C12orf43: variants seen among roughly 807,000 people sequenced by gnomAD.
C12orf43 encodes the protein protein CUSTOS.
Under a neutral mutation model 20.6 loss-of-function variants are expected in C12orf43, and 15 were observed. The ratio of observed to expected loss-of-function variants is 0.73; its 90% CI spans 0.49 to 1.12. The LOEUF (loss-of-function observed/expected upper bound fraction) is 1.12, where lower values mean the gene tolerates loss of function less well. Among genes scored for constraint, C12orf43 ranks in the 50% most tolerant of loss-of-function variants. The pLI is 0.00. For synonymous variants in C12orf43, 144 were observed against 130.8 expected, an observed-to-expected ratio of 1.10 and a Z score of -0.69; for missense variants, 334 against 344.4, an observed-to-expected ratio of 0.97 and a Z score of 0.24.
chr12:121,006,482 A>G, intron 3 of C12orf43, 88 bp from the exon 4 acceptor site: 1 of 1,293,030 alleles, frequency 7.7e-7, no homozygotes, highest in Non-Finnish European at 1.1e-6. Flanking sequence ...GGGATGGGGT[A>G]TGTGATTGTA....
Position 121,002,461 on chromosome 12 carries a change from A to T in C12orf43, c.*1692T>A, listed in dbSNP as rs1168564114. 1.9e-6 allele frequency: 1 copy of T among 526,830 alleles called. No homozygotes were observed. Among genetic ancestry groups the T allele is most frequent in the Non-Finnish European group, 3.7e-6 (1 of 270,700 alleles). 32.6% of individuals were successfully genotyped at this position (526,830 alleles called of 1,614,324 possible). A position where few individuals can be genotyped will look rare whatever the true frequency, so the allele number is the denominator to read the frequency against. On this transcript the variant is annotated 3_prime_UTR_variant, in exon 6 of 6. Transcript: ENST00000288757. The stretch of plus-strand genomic sequence containing the variant: ...CTGCAGCTTGTAGCCAGCCGGGGCG[A>T]GTGGCACGTTTATTTAACTTTTAGT...
chr12:121,012,287 G>A, intron 1 of C12orf43: 1 of 670,494 alleles, frequency 1.5e-6, no homozygotes, highest in Non-Finnish European at 2.7e-6. Flanking sequence ...TGTGACCAGA[G>A]CCTGCCCAGT....
rs553147020 is a variant in C12orf43 at position 121,005,717 on chromosome 12, G to A, written c.361+604C>T. On this transcript the variant is annotated intron_variant, in intron 4 of 5. Transcript: ENST00000288757. This position sits in a 1 kb window ranked among gnomAD's most constrained non-coding sequence, Gnocchi z 5.6. ...GAGGCCGCCTCAGGCAAATGACTTC[G>A]TTTCTCAGGGCCTCAGTCTCCTTGT... Among the ~76,000 whole-genome samples, 2 of 152,324 alleles carry A rather than the reference G, an allele frequency of 1.3e-5. No homozygotes were observed. The highest frequency in any genetic ancestry group is 1.9e-4 in the East Asian group (1 of 5,186).
chr12:121,014,264 G>A (rs1234745760), intron 1 of C12orf43, among the ~76,000 whole-genome samples: 1 of 150,978 alleles, frequency 6.6e-6, no homozygotes, highest in Non-Finnish European at 1.5e-5. Context: ...CTTGGGAGGC[G>A]GAGGTTGCAG....
chr12:121,004,407 T>C lies in C12orf43; in HGVS notation c.535A>G (p.Ser179Gly). 1 of 1,614,084 alleles carries C rather than the reference T, an allele frequency of 6.2e-7. No homozygotes were observed. The highest frequency in any genetic ancestry group is 8.5e-7 in the Non-Finnish European group (1 of 1,180,030). The change falls in exon 6 of 6, where the codon AGC becomes GGC. Residue 179 changes from serine (S) to glycine (G), a missense_variant. Physicochemically the swap from Ser to Gly is moderately conservative, Grantham distance 56. Transcript: ENST00000288757. The surrounding 1 kb of genome is among the most constrained non-coding windows in gnomAD (Gnocchi z 5.6). ...SDILQESAIH[S>G]PGTVEKEAKK... is the part of the protein sequence containing the mutation. The stretch of plus-strand genomic sequence containing the variant: ...GCCTCCTTCTCCACTGTTCCAGGGC[T>C]GTGGATGGCTGACTCCTGTAGGATG...
intron 1 of C12orf43, among the ~76,000 whole-genome samples, chr12:121,013,286 A>T (rs1868564901): frequency 6.6e-6 from 1 of 152,200 alleles, no homozygotes; most frequent in African/African-American, 2.4e-5. Context: ...TTCCATCATG[A>T]CTACAGTGTG....
chr12:121,007,497 T>G (rs1274586322), intron 3 of C12orf43, among the ~76,000 whole-genome samples: 1 of 152,028 alleles, frequency 6.6e-6, no homozygotes, highest in Non-Finnish European at 1.5e-5. Flanking sequence ...GTCACAAGGA[T>G]TGAAGGGGAA....
rs774361419 is a variant in C12orf43 at position 121,004,109 on chromosome 12, A to G, written c.*44T>C. The G allele has an allele frequency of 1.3e-6, 2 of 1,596,866 alleles. No individual in the cohort carries two copies. The highest frequency in any genetic ancestry group is 2.2e-5 in the South Asian group (2 of 90,730). Reference sequence around the variant, plus strand: ...GCCTTGTCCCCAGGGTGGGGGGGACACCTTGTCCTTGGAGCTGGCTGAGCC... The same window carrying G: ...GCCTTGTCCCCAGGGTGGGGGGGACGCCTTGTCCTTGGAGCTGGCTGAGCC... On this transcript the variant is annotated 3_prime_UTR_variant, in exon 6 of 6. Coordinates refer to ENST00000288757, the MANE Select transcript of C12orf43 (RefSeq NM_022895.3). This position sits in a 1 kb window ranked among gnomAD's most constrained non-coding sequence, Gnocchi z 5.6.
At chr12:121,016,199 C>T (rs1868893741) in intron 1 of C12orf43, 131 bp downstream of exon 1, 17 of 1,381,028 alleles carry the variant, frequency 1.2e-5, no homozygotes, top group Non-Finnish European at 1.7e-5. Context: ...ATCTGCACTA[C>T]ACCCAGTCCC....
chr12:121,004,986 G>A lies in C12orf43; in HGVS notation c.452+17C>T. ...GAGAAAAAAGGAGGGGACGTGAGGA[G>A]AGGTGTGAGTTCTCACCTGGAGCTG... On this transcript the variant is annotated intron_variant, in intron 5 of 5. Coordinates refer to ENST00000288757, the MANE Select transcript of C12orf43 (RefSeq NM_022895.3). This position sits in a 1 kb window ranked among gnomAD's most constrained non-coding sequence, Gnocchi z 5.6. 2 of 1,514,716 alleles carry A rather than the reference G, an allele frequency of 1.3e-6. No individual in the cohort carries two copies. Among genetic ancestry groups the A allele is most frequent in the Non-Finnish European group, 1.8e-6 (2 of 1,128,696 alleles). 93.8% of individuals were successfully genotyped at this position (1,514,716 alleles called of 1,614,324 possible).
rs1205947227 is a variant in C12orf43 at position 121,005,212 on chromosome 12, AAAGAT to A, written c.362-124_362-120del. 1.1e-5 allele frequency: 6 copies of A among 545,214 alleles called. No individual in the cohort carries two copies. The Admixed American group carries it at 1.3e-4, about 12-fold the overall frequency. 33.8% of individuals were successfully genotyped at this position (545,214 alleles called of 1,614,324 possible). A position where few individuals can be genotyped will look rare whatever the true frequency, so the allele number is the denominator to read the frequency against. On this transcript the variant is annotated intron_variant, in intron 4 of 5. Coordinates refer to ENST00000288757, the MANE Select transcript of C12orf43 (RefSeq NM_022895.3). This position sits in a 1 kb window ranked among gnomAD's most constrained non-coding sequence, Gnocchi z 5.6. ...TTTAAAAAGGAAAACGAAAGAAAGA[AAAGAT>A]AAAGAGAAACAAAAAAAAAATTTTA... is the stretch of plus-strand genomic sequence containing the variant.
intron 1 of C12orf43, chr12:121,012,551 C>T: frequency 1.4e-6 from 1 of 697,398 alleles, no homozygotes; most frequent in Admixed American, 2.0e-5. Context: ...CAGATAGATG[C>T]ACTTTTAAGA....
intron 1 of C12orf43, 128 bp from the exon 2 acceptor site, chr12:121,011,274 ATATATAT>A: frequency 2.0e-6 from 1 of 498,676 alleles, no homozygotes; most frequent in Admixed American, 3.8e-5. Context: ...CATGTAACTC[ATATATAT>A]TATATTTATA....
At chr12:121,011,843 C>T (rs1382389391) in intron 1 of C12orf43, among the ~76,000 whole-genome samples, 2 of 152,252 alleles carry the variant, frequency 1.3e-5, no homozygotes, top group East Asian at 3.9e-4. Context: ...CAAGCCAAAA[C>T]GGTGGGGATG....
intron 1 of C12orf43, 89 bp from the exon 2 acceptor site, chr12:121,011,235 A>G: frequency 9.5e-7 from 1 of 1,053,822 alleles, no homozygotes; most frequent in African/African-American, 1.6e-5. Context: ...AGCAGCTTAA[A>G]ATACATATAA....
In C12orf43 at chr12:121,000,598, C is replaced by G. The variant is rs1314519950; in HGVS notation, c.*3555G>C. On this transcript the variant is annotated 3_prime_UTR_variant, in exon 6 of 6. Transcript: ENST00000288757. ...CAGCTCTGGGGAGTGAATTCTGCAG[C>G]CTTGAGGCAGAATTCCTTCTCTGGG... 1.7e-5 allele frequency: 4 copies of G among 239,380 alleles called. No individual in the cohort carries two copies. The highest frequency in any genetic ancestry group is 1.1e-4 in the South Asian group (2 of 18,230). The allele number at this position is 239,380 out of a possible 1,614,324, so 14.8% of individuals were successfully genotyped here.
chr12:121,014,188 T>TG (rs1291096878), intron 1 of C12orf43, among the ~76,000 whole-genome samples: 2 of 150,920 alleles, frequency 1.3e-5, no homozygotes, highest in African/African-American at 4.9e-5. Flanking sequence ...AAAAATTAGC[T>TG]GGGCCTGGTG....
At chr12:121,010,734 G>T (rs1000918249) in intron 3 of C12orf43, 94 bp downstream of exon 3, 2 of 941,368 alleles carry the variant, frequency 2.1e-6, no homozygotes, top group South Asian at 5.4e-5. Context: ...GCCTGCCACC[G>T]TGCCAGCCTG....
chr12:121,008,450 A>G (rs1878192871), intron 3 of C12orf43, among the ~76,000 whole-genome samples: 2 of 152,172 alleles, frequency 1.3e-5, no homozygotes, highest in South Asian at 4.1e-4. Flanking sequence ...TATCATTTAG[A>G]TTTCTTTGGA....
Sources: allele counts gnomAD v4.1 joint callset (sites outside exome capture counted in the v4.1 genomes callset), GRCh38; gene constraint gnomAD v4.1.1; non-coding constraint Gnocchi (gnomAD v3.1); transcripts MANE v1.5; gene names NCBI Gene and HGNC (gene_info 2026-07-23, HGNC 2026-07-21).